USP12: variants seen among roughly 807,000 people sequenced by gnomAD.
USP12 encodes ubiquitin carboxyl-terminal hydrolase 12.
USP12 carries 19 observed loss-of-function variants against 45.5 expected under a neutral mutation model. The observed-to-expected ratio is 0.42, with a 90% CI of 0.29 to 0.61. The LOEUF (loss-of-function observed/expected upper bound fraction) is 0.61. Among genes scored for constraint, USP12 ranks in the 20% least tolerant of loss-of-function variants. The pLI is 0.22. For synonymous variants in USP12, 149 were observed against 148.8 expected, an observed-to-expected ratio of 1.00 and a Z score of -0.01; for missense variants, 242 against 447.7, an observed-to-expected ratio of 0.54 and a Z score of 4.15.
intron 4 of USP12, among the ~76,000 whole-genome samples, chr13:27,094,393 CA>C (rs1364946654): frequency 6.6e-6 from 1 of 151,996 alleles, no homozygotes; most frequent in Non-Finnish European, 1.5e-5. Flanking sequence ...CCTAGTTACT[CA>C]GAAGGCTGAG....
intron 6 of USP12, chr13:27,077,410 C>T (rs1265020799): frequency 6.6e-6 from 1 of 151,956 alleles, no homozygotes. Flanking sequence ...GAACATGGCC[C>T]GATGGTTAGG....
At chr13:27,088,308 C>CG (rs910928528) in intron 6 of USP12, among the ~76,000 whole-genome samples, 2 of 147,694 alleles carry the variant, frequency 1.4e-5, no homozygotes, top group African/African-American at 5.0e-5. Flanking sequence ...CCCAGCTACT[C>CG]GGGAGGCTGA....
intron 1 of USP12, among the ~76,000 whole-genome samples, chr13:27,125,134 T>C (rs773904858): frequency 9.9e-5 from 15 of 152,186 alleles, no homozygotes; most frequent in Non-Finnish European, 1.6e-4. Context: ...TTATTAGGAG[T>C]AAACAAAGTC....
At chr13:27,075,119 A>G (rs962030861) in intron 7 of USP12, 72 bp downstream of exon 7, 12 of 1,450,118 alleles carry the variant, frequency 8.3e-6, no homozygotes, top group Non-Finnish European at 1.1e-5. Flanking sequence ...TGAATAATTC[A>G]TGAACATCTT....
Position 27,067,940 on chromosome 13 carries a change from C to T in USP12, c.*1343G>A, listed in dbSNP as rs889746419. 3 of 152,028 alleles carry T rather than the reference C, an allele frequency of 2.0e-5. No individual in the cohort carries two copies. The highest frequency in any genetic ancestry group is 7.2e-5 in the African/African-American group (3 of 41,386). 9.4% of individuals were successfully genotyped at this position (152,028 alleles called of 1,614,324 possible). A position where few individuals can be genotyped will look rare whatever the true frequency, so the allele number is the denominator to read the frequency against. On this transcript the variant is annotated 3_prime_UTR_variant, in exon 9 of 9. Transcript: ENST00000282344. ...TGTTACATATATTACTTCTTAAAAC[C>T]CCCAACAGAATGAAGTCTTAGCAAA...
At position 27,067,505 on chromosome 13, in the gene USP12, T is replaced by G. The variant is rs886248369; in HGVS notation, c.*1778A>C. 6.6e-6 allele frequency: 1 copy of G among 152,166 alleles called. No individual in the cohort carries two copies. Among genetic ancestry groups the G allele is most frequent in the Non-Finnish European group, 1.5e-5 (1 of 68,026 alleles). The allele number at this position is 152,166 out of a possible 1,614,324, so 9.4% of individuals were successfully genotyped here. On this transcript the variant is annotated 3_prime_UTR_variant, in exon 9 of 9. Coordinates refer to ENST00000282344, the MANE Select transcript of USP12 (RefSeq NM_182488.4). Reference sequence around the variant, plus strand: ...TTAAAAAGAAACTTGTCAAAATACTTTTTGATATTTTGTACAAATACTAAA... The same window carrying G: ...TTAAAAAGAAACTTGTCAAAATACTGTTTGATATTTTGTACAAATACTAAA...
intron 1 of USP12, among the ~76,000 whole-genome samples, chr13:27,143,098 A>AG (rs1877142897): frequency 5.2e-5 from 2 of 38,160 alleles, no homozygotes; most frequent in African/African-American, 1.8e-4. Flanking sequence ...TCTCAAAAAA[A>AG]GAAAAAAAAA....
chr13:27,113,944 C>G (rs1429672371), intron 2 of USP12, among the ~76,000 whole-genome samples: 1 of 152,040 alleles, frequency 6.6e-6, no homozygotes, highest in African/African-American at 2.4e-5. Flanking sequence ...TATAATGGAC[C>G]CTGCTCCAAC....
At chr13:27,109,386 C>T (rs1447627082) in intron 2 of USP12, among the ~76,000 whole-genome samples, 2 of 152,172 alleles carry the variant, frequency 1.3e-5, no homozygotes, top group Non-Finnish European at 2.9e-5. Context: ...TTAATCAAGT[C>T]TCTACGTGTA....
In USP12 at chr13:27,143,326, G is replaced by T. The variant is rs139530951; in HGVS notation, c.49-26730C>A. On this transcript the variant is annotated intron_variant, in intron 1 of 8. Transcript: ENST00000282344. ...CAGCATGGGTAGGGAGTATCACATTGATTCCTTATTCTGAAAACTGGCAAC... is the reference window on the plus strand; with the variant it reads ...CAGCATGGGTAGGGAGTATCACATTTATTCCTTATTCTGAAAACTGGCAAC... Among the ~76,000 whole-genome samples the T allele has an allele frequency of 8.5e-5, 13 of 152,244 alleles. No homozygotes were observed. In the East Asian group the frequency reaches 2.5e-3, roughly 29 times the overall value.
intron 1 of USP12, 115 bp from the exon 2 acceptor site, chr13:27,116,711 C>A: frequency 1.1e-6 from 1 of 871,518 alleles, no homozygotes; most frequent in Non-Finnish European, 1.7e-6. Context: ...GATGGAGCTG[C>A]CCTACACAGG....
chr13:27,070,226 C>A (rs535831513), intron 8 of USP12, among the ~76,000 whole-genome samples: 1 of 152,236 alleles, frequency 6.6e-6, no homozygotes, highest in Admixed American at 6.5e-5. Context: ...TATGTGAGTC[C>A]ATTTATATTC....
chr13:27,144,822 G>A (rs1226217380), intron 1 of USP12, among the ~76,000 whole-genome samples: 1 of 151,228 alleles, frequency 6.6e-6, no homozygotes, highest in Admixed American at 6.6e-5. Flanking sequence ...CACTTTGGGA[G>A]GTCGAAACAG....
chr13:27,093,760 T>C (rs187605088), intron 4 of USP12, among the ~76,000 whole-genome samples: 1 of 152,346 alleles, frequency 6.6e-6, no homozygotes, highest in Admixed American at 6.5e-5. Context: ...TGGCAAAACT[T>C]GGAAGCAACC....
At chr13:27,111,571 G>C (rs1317078315) in intron 2 of USP12, among the ~76,000 whole-genome samples, 2 of 152,142 alleles carry the variant, frequency 1.3e-5, no homozygotes, top group African/African-American at 4.8e-5. Flanking sequence ...TGCTTTCAAA[G>C]AGCTTTCTCT....
intron 2 of USP12, among the ~76,000 whole-genome samples, chr13:27,114,668 G>T (rs1485516761): frequency 6.6e-6 from 1 of 151,578 alleles, no homozygotes; most frequent in Non-Finnish European, 1.5e-5. Flanking sequence ...ATCTGCAACT[G>T]AAAGTAACAG....
chr13:27,125,974 G>A (rs971850005), intron 1 of USP12, among the ~76,000 whole-genome samples: 1 of 152,268 alleles, frequency 6.6e-6, no homozygotes, highest in Non-Finnish European at 1.5e-5. Context: ...AGGGAAGCTT[G>A]AACTGGGCGG....
At chr13:27,165,576 TTA>T (rs1251693671) in intron 1 of USP12, among the ~76,000 whole-genome samples, 1 of 152,196 alleles carries the variant, frequency 6.6e-6, no homozygotes, top group Non-Finnish European at 1.5e-5. Flanking sequence ...GAACTAGATG[TTA>T]TTTTACTCTC....
At chr13:27,145,373 T>C (rs1161332673) in intron 1 of USP12, among the ~76,000 whole-genome samples, 5 of 152,178 alleles carry the variant, frequency 3.3e-5, no homozygotes, top group African/African-American at 9.6e-5. Flanking sequence ...AAATTAAACA[T>C]TGTTTCCATG....
Sources: gnomAD v4.1 joint callset for allele counts (sites outside exome capture counted in the v4.1 genomes callset) on GRCh38, gnomAD v4.1.1 for gene constraint, MANE v1.5 for transcripts, NCBI Gene and HGNC (gene_info 2026-07-23, HGNC 2026-07-21) for gene names.